The following OCM variants were observed in gnomAD, a reference collection of about 807,000 sequenced individuals.
OCM encodes oncomodulin-1.
A neutral mutation model predicts 14.1 loss-of-function variants in OCM; 18 were observed. The observed-to-expected ratio is 1.28, with a 90% confidence interval of 0.88 to 1.89. The LOEUF (loss-of-function observed/expected upper bound fraction) is 1.89. Ranked by LOEUF, OCM falls within the 40% of genes most tolerant of loss-of-function variation. The pLI is 0.00. For missense variants in OCM, 140 were observed against 137.6 expected, an observed-to-expected ratio of 1.02 and a Z score of -0.09; for synonymous variants, 48 against 51.0, an observed-to-expected ratio of 0.94 and a Z score of 0.25.
chr7:5,885,125 GA>G (rs10641162), intron 3 of OCM, among the ~76,000 whole-genome samples: 3 of 147,728 alleles, frequency 2.0e-5, no homozygotes, highest in African/African-American at 7.5e-5. Flanking sequence ...TATCTCAAAA[GA>G]AAAAAAAAAA....
chr7:5,862,399 A>G, the OCM span, among the ~76,000 whole-genome samples: 1 of 151,974 alleles, frequency 6.6e-6, no homozygotes, highest in Non-Finnish European at 1.5e-5. Context: ...CAAGTTGCTC[A>G]CAAAGTGAGC....
the OCM span, among the ~76,000 whole-genome samples, chr7:5,861,070 T>C: frequency 6.6e-6 from 1 of 151,732 alleles, no homozygotes; most frequent in Non-Finnish European, 1.5e-5. Flanking sequence ...CAGGTGGTGG[T>C]GGTTATAGTT....
chr7:5,860,455 ATAT>A, the OCM span, among the ~76,000 whole-genome samples: 44 of 138,830 alleles, frequency 3.2e-4, 2 homozygotes, highest in African/African-American at 6.8e-4. Context: ...ACGTGTATGT[ATAT>A]TATTACGTAT....
chr7:5,872,477 C>T, the OCM span, among the ~76,000 whole-genome samples: 1 of 152,126 alleles, frequency 6.6e-6, no homozygotes, highest in Admixed American at 6.6e-5. Flanking sequence ...TCTTGTAACT[C>T]TGGATCCCAC....
upstream of OCM, among the ~76,000 whole-genome samples, chr7:5,877,905 A>C (rs1269800405): frequency 6.6e-6 from 1 of 151,796 alleles, no homozygotes; most frequent in African/African-American, 2.4e-5. Flanking sequence ...TCAGTGAAAT[A>C]AGCCAGTCTG....
intron 3 of OCM, among the ~76,000 whole-genome samples, 178 bp downstream of exon 3, chr7:5,884,177 A>T (rs1353337127): frequency 4.0e-5 from 6 of 151,898 alleles, no homozygotes; most frequent in Non-Finnish European, 7.4e-5. Context: ...GTGTGTAAAA[A>T]CCCTGGCATA....
At chr7:5,865,674 ACCT>A in the OCM span, among the ~76,000 whole-genome samples, 1 of 152,258 alleles carries the variant, frequency 6.6e-6, no homozygotes, top group South Asian at 2.1e-4. Flanking sequence ...AACATGAATC[ACCT>A]CTAGCGATGG....
the OCM span, among the ~76,000 whole-genome samples, chr7:5,866,339 G>A: frequency 7.8e-6 from 1 of 128,214 alleles, no homozygotes; most frequent in African/African-American, 3.3e-5. Flanking sequence ...GGAAGGAGTG[G>A]GGGGGAGAGG....
the OCM span, among the ~76,000 whole-genome samples, chr7:5,860,354 A>G: frequency 8.7e-4 from 129 of 147,894 alleles, no homozygotes; most frequent in African/African-American, 2.4e-3. Context: ...GTGTGTGTGT[A>G]TATATATATG....
the OCM span, among the ~76,000 whole-genome samples, chr7:5,860,803 C>CGCAT: frequency 1.3e-5 from 1 of 75,244 alleles, no homozygotes; most frequent in Admixed American, 1.4e-4. Context: ...TATATATACA[C>CGCAT]ACATACACAC....
At chr7:5,881,914 C>G (rs1207549943) in intron 1 of OCM, among the ~76,000 whole-genome samples, 3 of 151,802 alleles carry the variant, frequency 2.0e-5, no homozygotes, top group Admixed American at 1.3e-4. Context: ...TGGCAAAACC[C>G]TGTCTCTATT....
chr7:5,877,111 T>G (rs1399380006), upstream of OCM, among the ~76,000 whole-genome samples: 1 of 152,130 alleles, frequency 6.6e-6, no homozygotes. Context: ...CGGCCTGAAC[T>G]GTCTACTTCT....
At chr7:5,863,531 A>ATTT in the OCM span, among the ~76,000 whole-genome samples, 1 of 133,484 alleles carries the variant, frequency 7.5e-6, no homozygotes, top group Non-Finnish European at 1.6e-5. Flanking sequence ...TGGATGGTTC[A>ATTT]TTTTTTTTTT....
upstream of OCM, among the ~76,000 whole-genome samples, chr7:5,879,259 T>G (rs183131885): frequency 1.6e-4 from 25 of 152,308 alleles, no homozygotes. Context: ...TATTTGTTTC[T>G]GAACATGTTA....
rs112157770 is a variant in OCM, at chr7:5,882,463, C to A, written c.62-30C>A. 3.6e-5 allele frequency: 58 copies of A among 1,599,028 alleles called. No individual in the cohort carries two copies. In the African/African-American group the frequency reaches 7.1e-4, roughly 20 times the overall value. Reference sequence around the variant, plus strand: ...CCAACATAGAATGTGATCCAACAAGCGTCAGAATAACCAATTCTCTGTTCT... The same window carrying A: ...CCAACATAGAATGTGATCCAACAAGAGTCAGAATAACCAATTCTCTGTTCT... On this transcript the variant is annotated intron_variant, in intron 1 of 3. Transcript: ENST00000242104.
chr7:5,874,259 A>G, the OCM span, among the ~76,000 whole-genome samples: 5 of 132,972 alleles, frequency 3.8e-5, no homozygotes, highest in African/African-American at 1.4e-4. Flanking sequence ...AAAAAGATCT[A>G]TTTCCACATC....
At chr7:5,867,618 T>A in the OCM span, among the ~76,000 whole-genome samples, 1 of 152,124 alleles carries the variant, frequency 6.6e-6, no homozygotes, top group African/African-American at 2.4e-5. Context: ...AGACTCCAAT[T>A]ACATGTATAT....
the OCM span, among the ~76,000 whole-genome samples, chr7:5,873,692 C>T: frequency 1.3e-4 from 19 of 151,910 alleles, no homozygotes; most frequent in Admixed American, 3.9e-4. Flanking sequence ...GAGGTGACCC[C>T]GAGTGGAGAA....
At chr7:5,876,070 T>C (rs1781088819), upstream of OCM, among the ~76,000 whole-genome samples, 1 of 152,048 alleles carries the variant, frequency 6.6e-6, no homozygotes, top group Non-Finnish European at 1.5e-5. Flanking sequence ...AGTGGCATGA[T>C]CTCAGCTCAC....
Sources: gnomAD v4.1 joint callset for allele counts (sites outside exome capture counted in the v4.1 genomes callset) on GRCh38, gnomAD v4.1.1 for gene constraint, MANE v1.5 for transcripts, NCBI Gene and HGNC (gene_info 2026-07-23, HGNC 2026-07-21) for gene names.